Variants in ASCC3 observed in about 807,000 individuals in gnomAD.
ASCC3 encodes ASC-1 complex subunit P200.
ASCC3 carries 158 observed loss-of-function variants against 256.3 expected under a neutral mutation model. The ratio of observed to expected loss-of-function variants is 0.62; its 90% CI spans 0.54 to 0.70. The LOEUF is 0.70. Among genes scored for constraint, ASCC3 ranks in the 30% least tolerant of loss-of-function variants. The pLI is 0.00. For missense variants in ASCC3, 2,259 were observed against 2,626.0 expected, an observed-to-expected ratio of 0.86 and a Z score of 3.05; for synonymous variants, 948 against 883.4, an observed-to-expected ratio of 1.07 and a Z score of -1.30.
chr6:100,858,723 T>C (rs1430049086), intron 3 of ASCC3: 4 of 1,061,478 alleles, frequency 3.8e-6, no homozygotes, highest in Non-Finnish European at 4.6e-6. Flanking sequence ...GATACCACTA[T>C]ATATACTGCA....
rs150747279 is a variant in ASCC3, at chr6:100,621,256, T to C, written c.4785+3936A>G. Reference sequence around the variant, plus strand: ...AACAGAAAACCAAATGGAAATGACATAATATTTCTAGCTGTCCTATTTTAT... The same window carrying C: ...AACAGAAAACCAAATGGAAATGACACAATATTTCTAGCTGTCCTATTTTAT... On this transcript the variant is annotated intron_variant, in intron 30 of 41. Transcript: ENST00000369162. Among the ~76,000 whole-genome samples the C allele has an allele frequency of 6.6e-5, 10 of 152,262 alleles. No individual in the cohort carries two copies. In the East Asian group the frequency reaches 1.7e-3, roughly 26 times the overall value.
At chr6:100,822,478 A>C (rs1372342194) in intron 4 of ASCC3, among the ~76,000 whole-genome samples, 1 of 151,228 alleles carries the variant, frequency 6.6e-6, no homozygotes, top group African/African-American at 2.4e-5. Flanking sequence ...CAGAGGTTGC[A>C]GTGATCCAAG....
intron 14 of ASCC3, among the ~76,000 whole-genome samples, chr6:100,677,910 G>A (rs1168557859): frequency 2.6e-5 from 4 of 152,052 alleles, no homozygotes; most frequent in African/African-American, 9.7e-5. Context: ...TTCCAGCATA[G>A]TGATCTGTGA....
At chr6:100,756,420 A>T (rs1781182419) in intron 10 of ASCC3, among the ~76,000 whole-genome samples, 1 of 152,108 alleles carries the variant, frequency 6.6e-6, no homozygotes, top group Non-Finnish European at 1.5e-5. Flanking sequence ...GAGAAAAAAT[A>T]AACTTTCTTA....
chr6:100,594,729 A>C (rs1050128829), intron 34 of ASCC3, among the ~76,000 whole-genome samples: 1 of 152,080 alleles, frequency 6.6e-6, no homozygotes, highest in African/African-American at 2.4e-5. Flanking sequence ...AGACGTCTGC[A>C]CTCCTATGTT....
chr6:100,611,650 C>T (rs1195223759), intron 30 of ASCC3, among the ~76,000 whole-genome samples: 2 of 151,712 alleles, frequency 1.3e-5, no homozygotes, highest in African/African-American at 4.8e-5. Flanking sequence ...AATGGAAAGA[C>T]CCAGTGATTT....
At chr6:100,843,327 A>G (rs1233031671) in intron 4 of ASCC3, among the ~76,000 whole-genome samples, 1 of 152,198 alleles carries the variant, frequency 6.6e-6, no homozygotes, top group Non-Finnish European at 1.5e-5. Flanking sequence ...GGAGGTTCAG[A>G]AATGAACTTG....
chr6:100,635,470 T>G (rs1199410003), intron 25 of ASCC3, among the ~76,000 whole-genome samples: 1 of 152,142 alleles, frequency 6.6e-6, no homozygotes, highest in East Asian at 1.9e-4. Flanking sequence ...TCAACAGGTA[T>G]AAAGTTTCAT....
At chr6:100,748,475 T>C (rs1471758288) in intron 10 of ASCC3, among the ~76,000 whole-genome samples, 3 of 152,082 alleles carry the variant, frequency 2.0e-5, no homozygotes, top group Admixed American at 2.0e-4. Context: ...CTTCTATAAC[T>C]TGATGAAACA....
chr6:100,572,134 C>T (rs1056755515), intron 36 of ASCC3, among the ~76,000 whole-genome samples: 1 of 152,078 alleles, frequency 6.6e-6, no homozygotes, highest in Non-Finnish European at 1.5e-5. Flanking sequence ...ATATGTTAAA[C>T]CTGAACTCCC....
chr6:100,880,209 A>G (rs943840661), intron 1 of ASCC3, among the ~76,000 whole-genome samples: 8 of 152,234 alleles, frequency 5.3e-5, no homozygotes, highest in African/African-American at 1.9e-4. Flanking sequence ...CATTAAAAAA[A>G]AGAGACAACA....
chr6:100,755,031 C>T (rs1300307721), intron 10 of ASCC3, among the ~76,000 whole-genome samples: 1 of 151,914 alleles, frequency 6.6e-6, no homozygotes, highest in Non-Finnish European at 1.5e-5. Flanking sequence ...TACCCAGTCT[C>T]GGGTATTTCT....
intron 14 of ASCC3, among the ~76,000 whole-genome samples, chr6:100,666,430 T>G (rs1032799167): frequency 4.6e-5 from 7 of 152,172 alleles, no homozygotes; most frequent in Non-Finnish European, 1.0e-4. Flanking sequence ...CATTTTGCAT[T>G]TGCATCAGCA....
At chr6:100,530,243 CAGG>C (rs1300853790) in intron 37 of ASCC3, 1 of 888,150 alleles carries the variant, frequency 1.1e-6, no homozygotes, top group Non-Finnish European at 1.9e-6. Flanking sequence ...CTCAGAGCCA[CAGG>C]AGGAGGGGAG....
intron 10 of ASCC3, among the ~76,000 whole-genome samples, chr6:100,745,643 A>C (rs1780631027): frequency 6.6e-6 from 1 of 152,212 alleles, no homozygotes; most frequent in Admixed American, 6.5e-5. Context: ...TGATAACCGT[A>C]ATGTTCTGTG....
intron 36 of ASCC3, among the ~76,000 whole-genome samples, chr6:100,556,624 C>T (rs554709224): frequency 1.4e-4 from 22 of 152,124 alleles, no homozygotes; most frequent in Non-Finnish European, 2.4e-4. Context: ...GCCAGGCTAA[C>T]GAAATAATTC....
intron 14 of ASCC3, among the ~76,000 whole-genome samples, chr6:100,667,061 CTT>C (rs1422216073): frequency 6.6e-6 from 1 of 152,118 alleles, no homozygotes; most frequent in South Asian, 2.1e-4. Flanking sequence ...CAAGATGAAA[CTT>C]TGTTATTTAT....
chr6:100,798,886 C>T (rs753306070), intron 7 of ASCC3, 48 bp from the exon 8 acceptor site: 3 of 1,489,290 alleles, frequency 2.0e-6, no homozygotes, highest in Non-Finnish European at 2.8e-6. Flanking sequence ...AAATAAAACA[C>T]TTGCTCTGGT....
intron 37 of ASCC3, among the ~76,000 whole-genome samples, chr6:100,528,761 A>T (rs1774720200): frequency 6.6e-6 from 1 of 152,206 alleles, no homozygotes; most frequent in Non-Finnish European, 1.5e-5. Flanking sequence ...AGCTCCTTAA[A>T]GGTCTTCCTT....
Sources: allele counts gnomAD v4.1 joint callset (sites outside exome capture counted in the v4.1 genomes callset), GRCh38; gene constraint gnomAD v4.1.1; transcripts MANE v1.5; gene names NCBI Gene and HGNC (gene_info 2026-07-23, HGNC 2026-07-21).